SCAF8: variants seen among roughly 807,000 people sequenced by gnomAD.
SCAF8 encodes the protein SR-related CTD associated factor 8, also known as SR-related and CTD-associated factor 8.
Under a neutral mutation model 140.5 loss-of-function variants are expected in SCAF8, and 23 were observed. The observed-to-expected ratio is 0.16, with a 90% CI of 0.12 to 0.23. The LOEUF is 0.23. Among genes scored for constraint, SCAF8 ranks in the 10% least tolerant of loss-of-function variants. SCAF8 has a pLI of 1.00. For missense variants in SCAF8, 1,397 were observed against 1,555.7 expected (o/e 0.90, Z 1.72); for synonymous variants, 575 against 528.9 (o/e 1.09, Z -1.20).
Position 154,832,913 on chromosome 6 carries a change from G to A in SCAF8, c.3334G>A (p.Gly1112Ser). The part of the protein sequence containing the change: ...REHRVLPVYG[G>S]PKGLHEERGR... ...GCATCGGGTTCTACCGGTCTATGGT[G>A]GTCCAAAAGGCTTACATGAAGAAAG... The change falls in exon 20 of 20, where the codon GGT becomes AGT. Residue 1112 changes from glycine to serine, a missense_variant. Physicochemically the swap from Gly to Ser is moderately conservative, Grantham distance 56. This residue lies in a region of SCAF8 where 930 missense variants were observed against 874.6 expected (regional missense o/e 1.06). Coordinates refer to ENST00000367178, the MANE Select transcript of SCAF8 (RefSeq NM_014892.5). 3 of 1,614,066 alleles carry A rather than the reference G, an allele frequency of 1.9e-6. No homozygotes were observed. In the East Asian group the frequency reaches 6.7e-5, roughly 36 times the overall value.
chr6:154,818,428 A>G, intron 13 of SCAF8, 51 bp from the exon 14 acceptor site: 1 of 915,038 alleles, frequency 1.1e-6, no homozygotes, highest in Non-Finnish European at 1.7e-6. Flanking sequence ...ATAAAATACC[A>G]GAATGAGTTT....
chr6:154,817,678 TA>T (rs1778292816), intron 13 of SCAF8, among the ~76,000 whole-genome samples: 1 of 152,218 alleles, frequency 6.6e-6, no homozygotes, highest in Non-Finnish European at 1.5e-5. Context: ...CTTGAAGTGT[TA>T]GCAAGGCTGA....
intron 1 of SCAF8, among the ~76,000 whole-genome samples, chr6:154,748,567 T>C (rs995757640): frequency 5.9e-5 from 9 of 152,248 alleles, no homozygotes; most frequent in African/African-American, 2.2e-4. Flanking sequence ...AAGTGGTTTT[T>C]AAATTTGCCT....
chr6:154,787,811 A>G (rs1355013378), intron 3 of SCAF8, 50 bp from the exon 4 acceptor site: 1 of 1,515,714 alleles, frequency 6.6e-7, no homozygotes, highest in Non-Finnish European at 9.0e-7. Flanking sequence ...GTCTATCAAG[A>G]ATTTTACCTT....
chr6:154,748,144 CATT>C (rs1180205640), intron 1 of SCAF8, among the ~76,000 whole-genome samples: 6 of 152,096 alleles, frequency 3.9e-5, no homozygotes, highest in Admixed American at 3.3e-4. Flanking sequence ...GATTCTTAGT[CATT>C]ATGATTTCAA....
At chr6:154,796,568 A>G (rs924707847) in intron 6 of SCAF8, among the ~76,000 whole-genome samples, 1 of 152,150 alleles carries the variant, frequency 6.6e-6, no homozygotes, top group African/African-American at 2.4e-5. Flanking sequence ...TCAAATTAGG[A>G]TTATTGCTTG....
Position 154,808,113 on chromosome 6 carries a change from A to G in SCAF8, c.1025A>G (p.His342Arg). 1 of 1,614,068 alleles carries G rather than the reference A, an allele frequency of 6.2e-7. No homozygotes were observed. Among genetic ancestry groups the G allele is most frequent in the Non-Finnish European group, 8.5e-7 (1 of 1,179,894 alleles). The change falls in exon 10 of 20, where the codon CAT (histidine) becomes CGT (arginine). Residue 342 changes from histidine (H) to arginine (R), a missense_variant. This residue lies in a region of SCAF8 where 339 missense variants were observed against 407.5 expected (regional missense o/e 0.83). Transcript: ENST00000367178. ...CAGGAAGGAACCTTTGGGTCAGAGC[A>G]TTCAGCGTCACCATCACAAGGGAGT... ...DSQEGTFGSE[H>R]SASPSQGSSQ... is the part of the protein sequence containing the mutation.
At chr6:154,819,460 AT>A (rs1778351192) in intron 14 of SCAF8, among the ~76,000 whole-genome samples, 1 of 151,672 alleles carries the variant, frequency 6.6e-6, no homozygotes, top group African/African-American at 2.4e-5. Context: ...GTGTGATGGT[AT>A]GCTTCTATGG....
chr6:154,792,025 A>G (rs1327303073), intron 4 of SCAF8, among the ~76,000 whole-genome samples: 1 of 152,048 alleles, frequency 6.6e-6, no homozygotes, highest in Non-Finnish European at 1.5e-5. Context: ...TTTTTAATTT[A>G]CAAAATGGTA....
chr6:154,768,950 C>A (rs1776658278), intron 1 of SCAF8, among the ~76,000 whole-genome samples: 1 of 151,596 alleles, frequency 6.6e-6, no homozygotes, highest in African/African-American at 2.4e-5. Flanking sequence ...AAAATCCTAG[C>A]CACTCAGGAG....
chr6:154,748,284 A>G lies in SCAF8; in HGVS notation c.30+14354A>G, dbSNP rs1054371646. On this transcript the variant is annotated intron_variant, in intron 1 of 19. Coordinates refer to ENST00000367178, the MANE Select transcript of SCAF8 (RefSeq NM_014892.5). ...AACTTTTAAAAAATATTATTCACAT[A>G]CATAAAAAGGCTTTAATGAATAAAT... Among the ~76,000 whole-genome samples, 7 of 152,342 alleles carry G rather than the reference A, an allele frequency of 4.6e-5. No homozygotes were observed. The South Asian group carries it at 1.0e-3, about 23-fold the overall frequency.
At chr6:154,822,215 A>C in intron 15 of SCAF8, 61 bp from the exon 16 acceptor site, 1 of 1,531,566 alleles carries the variant, frequency 6.5e-7, no homozygotes, top group South Asian at 1.2e-5. Flanking sequence ...AAATGAATAC[A>C]AAGAAGAAAA....
At position 154,763,364 on chromosome 6, in the gene SCAF8, A is replaced by C. The variant is rs563366867; in HGVS notation, c.31-10625A>C. ...TGGGGGATTCTAATCAGTACTCTCAAGGGCTTAAAGGACCATTGTTAAGAA... is the reference window on the plus strand; with the variant it reads ...TGGGGGATTCTAATCAGTACTCTCACGGGCTTAAAGGACCATTGTTAAGAA... On this transcript the variant is annotated intron_variant, in intron 1 of 19. Coordinates refer to ENST00000367178, the MANE Select transcript of SCAF8 (RefSeq NM_014892.5). 5.3e-5 allele frequency among the ~76,000 whole-genome samples: 8 copies of C among 152,248 alleles called. No individual in the cohort carries two copies. The South Asian group carries it at 1.7e-3, about 32-fold the overall frequency.
At chr6:154,780,116 G>A (rs1777043267) in intron 3 of SCAF8, among the ~76,000 whole-genome samples, 1 of 152,076 alleles carries the variant, frequency 6.6e-6, no homozygotes, top group South Asian at 2.1e-4. Flanking sequence ...TTCACCACTA[G>A]GATGCCTTGT....
At chr6:154,793,767 A>AT (rs1777495058) in intron 5 of SCAF8, among the ~76,000 whole-genome samples, 1 of 143,722 alleles carries the variant, frequency 7.0e-6, no homozygotes, top group South Asian at 2.2e-4. Flanking sequence ...GCGAGGCGAG[A>AT]TCGCGCCGTT....
rs530241784 is a variant in SCAF8 at position 154,759,385 on chromosome 6, A to T, written c.31-14604A>T. On this transcript the variant is annotated intron_variant, in intron 1 of 19. Transcript: ENST00000367178. ...TGATTACAATTTTTCTTTGTTTCAA[A>T]GCAGTTTTAAACTAAGTTTCAAAAA... Among the ~76,000 whole-genome samples, 10 of 152,270 alleles carry T rather than the reference A, an allele frequency of 6.6e-5. No individual in the cohort carries two copies. In the South Asian group the frequency reaches 1.9e-3, roughly 28 times the overall value.
intron 12 of SCAF8, among the ~76,000 whole-genome samples, chr6:154,812,691 T>C (rs1480521283): frequency 6.6e-6 from 1 of 152,190 alleles, no homozygotes; most frequent in Admixed American, 6.5e-5. Flanking sequence ...GTGAATAGTC[T>C]AGGGGATATA....
intron 2 of SCAF8, among the ~76,000 whole-genome samples, chr6:154,774,598 G>GAT (rs1776866237): frequency 6.6e-6 from 1 of 151,942 alleles, no homozygotes; most frequent in African/African-American, 2.4e-5. Flanking sequence ...TCTATATATT[G>GAT]ATATATTCAT....
chr6:154,753,253 G>T (rs1437324418), intron 1 of SCAF8, among the ~76,000 whole-genome samples: 2 of 152,110 alleles, frequency 1.3e-5, no homozygotes, highest in Non-Finnish European at 2.9e-5. Context: ...GTCACCTGAG[G>T]TTGGGAGTTT....
Sources: gnomAD v4.1 joint callset for allele counts (sites outside exome capture counted in the v4.1 genomes callset) on GRCh38, gnomAD v4.1.1 for gene constraint, gnomAD v4.1.1 regional missense constraint, MANE v1.5 for transcripts, NCBI Gene and HGNC (gene_info 2026-07-23, HGNC 2026-07-21) for gene names.